PRICKLE2: variants seen among roughly 807,000 people sequenced by gnomAD.
PRICKLE2 encodes the protein prickle-like protein 2.
Under a neutral mutation model 81.4 loss-of-function variants are expected in PRICKLE2, and 21 were observed. The observed-to-expected ratio is 0.26, with a 90% CI of 0.18 to 0.37. PRICKLE2 has a LOEUF of 0.37. Among genes scored for constraint, PRICKLE2 ranks in the 10% least tolerant of loss-of-function variants. The probability of loss-of-function intolerance (pLI) is 1.00; values close to 1 mark genes in which losing one functional copy is unlikely to be tolerated. For missense variants in PRICKLE2, 940 were observed against 1,109.0 expected (o/e 0.85, Z 2.16); for synonymous variants, 456 against 421.5 (o/e 1.08, Z -1.00).
At chr3:64,101,104 C>T (rs756056460) in intron 7 of PRICKLE2, 6 of 152,174 alleles carry the variant, frequency 3.9e-5, no homozygotes, top group Non-Finnish European at 5.9e-5. Context: ...TAAATAAAGC[C>T]GCTCTGAATA....
At chr3:64,100,389 C>T (rs1198925281) in intron 7 of PRICKLE2, 19 of 166,000 alleles carry the variant, frequency 1.1e-4, no homozygotes, top group Admixed American at 1.1e-3. Flanking sequence ...AACACTGGTT[C>T]CACAATATTG....
chr3:64,094,624 GCTA>G lies in PRICKLE2; in HGVS notation c.*4424_*4426del, dbSNP rs2076544898. Reference sequence around the variant, plus strand: ...TTTATGGGAGTCTTGTGTTGACTAGGCTACTATTATGAGAAAATGGAAAAAGAA... The same window carrying G: ...TTTATGGGAGTCTTGTGTTGACTAGGCTATTATGAGAAAATGGAAAAAGAA... On this transcript the variant is annotated 3_prime_UTR_variant, in exon 8 of 8. Transcript: ENST00000638394. 1.3e-5 allele frequency: 2 copies of G among 152,194 alleles called. No individual in the cohort carries two copies. The highest frequency in any genetic ancestry group is 4.8e-5 in the African/African-American group (2 of 41,436). The allele number at this position is 152,194 out of a possible 1,614,324, so 9.4% of individuals were successfully genotyped here.
chr3:64,262,183 T>TCCTC (rs1411632848), intron 2 of PRICKLE2, among the ~76,000 whole-genome samples: 1 of 152,096 alleles, frequency 6.6e-6, no homozygotes, highest in East Asian at 1.9e-4. Flanking sequence ...TTCTAGTCAG[T>TCCTC]CCTCCCTCCC....
intron 2 of PRICKLE2, among the ~76,000 whole-genome samples, chr3:64,231,643 A>G (rs1385368922): frequency 6.6e-6 from 1 of 152,180 alleles, no homozygotes; most frequent in African/African-American, 2.4e-5. Flanking sequence ...GGCAACAAAG[A>G]CCTGCTCAAG....
chr3:64,109,070 A>G (rs1339755602), intron 7 of PRICKLE2, among the ~76,000 whole-genome samples: 1 of 151,994 alleles, frequency 6.6e-6, no homozygotes, highest in Non-Finnish European at 1.5e-5. Flanking sequence ...ACCATAGCCC[A>G]AGGGGAGCTC....
Position 64,098,989 on chromosome 3 carries a change from T to G in PRICKLE2, c.*62A>C, listed in dbSNP as rs2076609326. The G allele has an allele frequency of 6.2e-7, 1 of 1,600,688 alleles. No homozygotes were observed. The highest frequency in any genetic ancestry group is 1.1e-5 in the South Asian group (1 of 90,538). On this transcript the variant is annotated 3_prime_UTR_variant, in exon 8 of 8. Transcript: ENST00000638394. ...AAAAGCGCTTTAACATTTAAAACAG[T>G]GCAAGTTTCTGACTTTACATTCTTA...
At chr3:64,217,581 C>T (rs1438596318) in intron 1 of PRICKLE2, among the ~76,000 whole-genome samples, 2 of 152,096 alleles carry the variant, frequency 1.3e-5, no homozygotes, top group Non-Finnish European at 2.9e-5. Context: ...GTGTTCAATA[C>T]GTATTTACTA....
At chr3:64,243,788 G>C (rs1419546809) in intron 2 of PRICKLE2, among the ~76,000 whole-genome samples, 1 of 152,186 alleles carries the variant, frequency 6.6e-6, no homozygotes, top group African/African-American at 2.4e-5. Flanking sequence ...TCAGAGATGA[G>C]TAAACTGAGG....
chr3:64,261,151 T>C (rs1371783847), intron 2 of PRICKLE2, among the ~76,000 whole-genome samples: 2 of 152,100 alleles, frequency 1.3e-5, no homozygotes, highest in African/African-American at 4.8e-5. Flanking sequence ...TTACAATTAA[T>C]ACAGAAAAAG....
In PRICKLE2 at chr3:64,225,179, A is replaced by T; in HGVS notation, c.-310T>A. The T allele has an allele frequency of 1.0e-6, 1 of 985,418 alleles. No homozygotes were observed. 61.0% of individuals were successfully genotyped at this position (985,418 alleles called of 1,614,324 possible). On this transcript the variant is annotated 5_prime_UTR_variant, in exon 1 of 8. Coordinates refer to ENST00000638394, the MANE Select transcript of PRICKLE2 (RefSeq NM_198859.4). ...TCTGCTGGGGAATTCACCAAGCAAG[A>T]GAAAAAAAGTATGACTTCTACTCTT...
At chr3:64,108,270 T>C (rs528879852) in intron 7 of PRICKLE2, among the ~76,000 whole-genome samples, 15 of 152,330 alleles carry the variant, frequency 9.8e-5, no homozygotes, top group African/African-American at 3.1e-4. Flanking sequence ...CGCTACACAG[T>C]TGAAGCCTCT....
rs11291908 is a variant in PRICKLE2 at position 64,238,485 on chromosome 3, C to CA, written c.129-39519dup. ...CTGGCAACAGAACGAGACTCCGTCT[C>CA]AAAAAAAAAAAAAAAGAAAAAAGAA... On this transcript the variant is annotated intron_variant, in intron 2 of 8. Transcript: ENST00000295902. Among the ~76,000 whole-genome samples, 783 of 104,448 alleles carry CA rather than the reference C, an allele frequency of 7.5e-3. 8 individuals carry two copies. The highest frequency in any genetic ancestry group is 0.021 in the African/African-American group (621 of 29,050). The allele number at this position is 104,448 out of a possible 152,430, so 68.5% of individuals were successfully genotyped here.
At chr3:64,127,025 G>C (rs1317542076) in intron 7 of PRICKLE2, among the ~76,000 whole-genome samples, 1 of 152,152 alleles carries the variant, frequency 6.6e-6, no homozygotes. Flanking sequence ...CAGCTGCTGG[G>C]GCAACACCAG....
intron 7 of PRICKLE2, among the ~76,000 whole-genome samples, chr3:64,119,827 C>A (rs1444390875): frequency 2.6e-5 from 4 of 152,138 alleles, no homozygotes; most frequent in Non-Finnish European, 5.9e-5. Context: ...CAATGGTGGA[C>A]TGGATAAAGA....
At chr3:64,102,213 G>A (rs550403785) in intron 7 of PRICKLE2, 3 of 152,342 alleles carry the variant, frequency 2.0e-5, no homozygotes, top group East Asian at 3.9e-4. Context: ...ACTGGAACCT[G>A]CTCTTTAGGG....
chr3:64,220,928 T>C (rs696232), intron 1 of PRICKLE2, among the ~76,000 whole-genome samples: 99,872 of 152,044 alleles, frequency 0.66, 34,901 homozygotes, highest in South Asian at 0.77. Flanking sequence ...TTTTAATTAA[T>C]GTACTTTTAG....
At chr3:64,250,277 C>G (rs1322281628) in intron 2 of PRICKLE2, among the ~76,000 whole-genome samples, 2 of 151,958 alleles carry the variant, frequency 1.3e-5, no homozygotes, top group South Asian at 2.1e-4. Flanking sequence ...GTCTTGTGTA[C>G]TGTAGGATAT....
chr3:64,179,005 TTC>T lies in PRICKLE2; in HGVS notation c.145-15878_145-15877del, dbSNP rs1491373486. Among the ~76,000 whole-genome samples the T allele has an allele frequency of 1.6e-3, 240 of 149,696 alleles. 3 individuals are homozygous for T. The highest frequency in any genetic ancestry group is 5.7e-3 in the African/African-American group (231 of 40,298). On this transcript the variant is annotated intron_variant, in intron 2 of 7. Transcript: ENST00000638394. ...TTTCTTTCTTTCTTTCTTTCTTTCTTTCTTTCTTTCTTTCTTTCTTTCTTTCT... is the reference window on the plus strand; with the variant it reads ...TTTCTTTCTTTCTTTCTTTCTTTCTTTTTCTTTCTTTCTTTCTTTCTTTCT...
At chr3:64,215,300 T>C (rs2078854803) in intron 1 of PRICKLE2, among the ~76,000 whole-genome samples, 2 of 152,210 alleles carry the variant, frequency 1.3e-5, no homozygotes, top group Non-Finnish European at 2.9e-5. Context: ...TTAGGATCTT[T>C]GCAGCAGCTG....
Sources: gnomAD v4.1 joint callset for allele counts (sites outside exome capture counted in the v4.1 genomes callset) on GRCh38, gnomAD v4.1.1 for gene constraint, MANE v1.5 for transcripts, NCBI Gene and HGNC (gene_info 2026-07-23, HGNC 2026-07-21) for gene names.